The following PDE4D variants were observed in gnomAD, a reference collection of about 807,000 sequenced individuals.
PDE4D encodes the protein 3',5'-cyclic-AMP phosphodiesterase 4D.
A neutral mutation model predicts 87.4 loss-of-function variants in PDE4D; 24 were observed. That is an observed-to-expected ratio of 0.27 (90% CI 0.20 to 0.39). PDE4D has a LOEUF of 0.39. Among genes scored for constraint, PDE4D ranks in the 10% least tolerant of loss-of-function variants. The probability of loss-of-function intolerance (pLI) is 1.00; values close to 1 mark genes in which losing one functional copy is unlikely to be tolerated. For synonymous variants in PDE4D, 384 were observed against 383.2 expected, an observed-to-expected ratio of 1.00 and a Z score of -0.02; for missense variants, 714 against 1,041.0, an observed-to-expected ratio of 0.69 and a Z score of 4.32.
At chr5:59,339,362 G>A (rs1778303251) in intron 1 of PDE4D, among the ~76,000 whole-genome samples, 1 of 152,114 alleles carries the variant, frequency 6.6e-6, no homozygotes, top group African/African-American at 2.4e-5. Flanking sequence ...GGCAATTTAA[G>A]GCATCTCAGC....
rs374852574 is a variant in PDE4D, at chr5:59,450,739, T to C, written c.456-234771A>G. 9.8e-5 allele frequency among the ~76,000 whole-genome samples: 15 copies of C among 152,296 alleles called. No homozygotes were observed. The South Asian group carries it at 1.4e-3, about 15-fold the overall frequency. On this transcript the variant is annotated intron_variant, in intron 1 of 14. Coordinates refer to ENST00000340635, the MANE Select transcript of PDE4D (RefSeq NM_001104631.2). ...CATTCTCCATGTCCAGCCATCAAAA[T>C]GACAAACACATCTACTCCCACAGTC...
intron 1 of PDE4D, among the ~76,000 whole-genome samples, chr5:59,403,129 A>ATAGGTAGG (rs151232838): frequency 3.4e-5 from 5 of 146,492 alleles, no homozygotes; most frequent in Non-Finnish European, 6.0e-5. Context: ...TTGGTACATA[A>ATAGGTAGG]TAGGTAGGTA....
chr5:59,294,173 A>G (rs1768593024), intron 1 of PDE4D, among the ~76,000 whole-genome samples: 1 of 152,140 alleles, frequency 6.6e-6, no homozygotes, highest in South Asian at 2.1e-4. Flanking sequence ...AGACCTACTT[A>G]GAAACTGTTT....
Position 59,604,748 on chromosome 5 carries a change from T to A in PDE4D, c.455+288420A>T, listed in dbSNP as rs115444865. Among the ~76,000 whole-genome samples the A allele has an allele frequency of 5.2e-3, 794 of 152,068 alleles. 9 individuals carry two copies. Among genetic ancestry groups the A allele is most frequent in the African/African-American group, 0.017 (721 of 41,540 alleles). ...TATCACATTCGTTTAAGATTTTTTT[T>A]AAAAGACTAAAAATATGCAGATTGT... On this transcript the variant is annotated intron_variant, in intron 1 of 14. Transcript: ENST00000340635.
intron 5 of PDE4D, among the ~76,000 whole-genome samples, chr5:59,109,182 A>C (rs1416030031): frequency 6.6e-6 from 1 of 152,112 alleles, no homozygotes; most frequent in Non-Finnish European, 1.5e-5. Context: ...AACACTATCT[A>C]AAGGGGCATT....
chr5:59,204,755 T>C (rs751998500), intron 2 of PDE4D, among the ~76,000 whole-genome samples: 45 of 152,314 alleles, frequency 3.0e-4, no homozygotes, highest in Admixed American at 2.0e-4. Context: ...GTTTATCTTA[T>C]TGGCAGGCTT....
intron 1 of PDE4D, among the ~76,000 whole-genome samples, chr5:59,531,432 C>G (rs531262188): frequency 3.5e-4 from 54 of 152,246 alleles, no homozygotes; most frequent in African/African-American, 1.2e-3. Flanking sequence ...TGAATATTGT[C>G]TATCTTTTCT....
At chr5:59,163,829 C>G (rs1263621508) in intron 5 of PDE4D, among the ~76,000 whole-genome samples, 1 of 152,054 alleles carries the variant, frequency 6.6e-6, no homozygotes, top group Non-Finnish European at 1.5e-5. Flanking sequence ...ATCAGACTAT[C>G]GTTTTTATTT....
At chr5:59,041,969 C>T (rs1376694441) in intron 5 of PDE4D, among the ~76,000 whole-genome samples, 1 of 152,036 alleles carries the variant, frequency 6.6e-6, no homozygotes, top group Admixed American at 6.5e-5. Flanking sequence ...ATTTTATGTC[C>T]AAGCCATGCA....
chr5:59,145,176 T>C (rs1778452100), intron 5 of PDE4D, among the ~76,000 whole-genome samples: 1 of 152,202 alleles, frequency 6.6e-6, no homozygotes, highest in Admixed American at 6.5e-5. Context: ...ATTTAATATT[T>C]GTAATGATCC....
At chr5:60,339,140 T>A (rs1047218336) in intron 1 of PDE4D, among the ~76,000 whole-genome samples, 2 of 152,164 alleles carry the variant, frequency 1.3e-5, no homozygotes, top group African/African-American at 4.8e-5. Flanking sequence ...GGATAGAAGA[T>A]TCATTTTTAG....
chr5:59,158,983 A>G (rs1367864320), intron 5 of PDE4D, among the ~76,000 whole-genome samples: 1 of 152,240 alleles, frequency 6.6e-6, no homozygotes, highest in Non-Finnish European at 1.5e-5. Context: ...GTTATCACCC[A>G]TTAACACTCC....
chr5:59,073,447 T>C (rs562396046), intron 5 of PDE4D, among the ~76,000 whole-genome samples: 83 of 128,846 alleles, frequency 6.4e-4, no homozygotes, highest in African/African-American at 2.5e-3. Context: ...AAAATGTGTA[T>C]TTAAGGAAGA....
chr5:59,319,045 G>T lies in PDE4D; in HGVS notation c.456-103077C>A, dbSNP rs558092792. Among the ~76,000 whole-genome samples the T allele has an allele frequency of 1.7e-3, 258 of 152,078 alleles. 1 individual carries two copies. Among genetic ancestry groups the T allele is most frequent in the African/African-American group, 5.8e-3 (239 of 41,504 alleles). On this transcript the variant is annotated intron_variant, in intron 1 of 14. Transcript: ENST00000340635. ...GAAAGGTATTTAGTTAAAAAATCAA[G>T]TCCCTGCTTTCAAAATGCTCATAAT...
intron 1 of PDE4D, among the ~76,000 whole-genome samples, chr5:60,337,105 A>C (rs1260126163): frequency 6.7e-6 from 1 of 148,868 alleles, no homozygotes; most frequent in Non-Finnish European, 1.5e-5. Flanking sequence ...GGATCACCTG[A>C]GGTCAGGAGT....
chr5:60,447,805 C>A (rs182566917), intron 1 of PDE4D, among the ~76,000 whole-genome samples: 1 of 152,138 alleles, frequency 6.6e-6, no homozygotes, highest in African/African-American at 2.4e-5. Context: ...GTCCCTTCAT[C>A]GGCAGCGAGA....
chr5:59,647,038 CA>C (rs1433402216), intron 1 of PDE4D, among the ~76,000 whole-genome samples: 4 of 151,438 alleles, frequency 2.6e-5, no homozygotes, highest in Admixed American at 2.6e-4. Context: ...CTATCTCAAA[CA>C]AAAACAAAAA....
At chr5:59,798,741 G>A (rs970180946) in intron 1 of PDE4D, among the ~76,000 whole-genome samples, 5 of 152,166 alleles carry the variant, frequency 3.3e-5, no homozygotes, top group African/African-American at 9.7e-5. Context: ...GTAAAGTGTG[G>A]TACAATGCAG....
intron 1 of PDE4D, among the ~76,000 whole-genome samples, chr5:59,577,879 T>C (rs1182386323): frequency 2.0e-5 from 3 of 152,178 alleles, no homozygotes; most frequent in Non-Finnish European, 4.4e-5. Flanking sequence ...TTTTCTCCTA[T>C]TTATCTTGGA....
Sources: gnomAD v4.1 joint callset for allele counts (sites outside exome capture counted in the v4.1 genomes callset) on GRCh38, gnomAD v4.1.1 for gene constraint, MANE v1.5 for transcripts, NCBI Gene and HGNC (gene_info 2026-07-23, HGNC 2026-07-21) for gene names.